Variants in PRR5 observed in about 807,000 individuals in gnomAD.
The protein encoded by PRR5 is proline-rich protein 5.
Under a neutral mutation model 30.6 loss-of-function variants are expected in PRR5, and 25 were observed. That is an observed-to-expected ratio of 0.82 (90% CI 0.60 to 1.14). PRR5 has a LOEUF of 1.14. Ranked by LOEUF, PRR5 falls within the 50% of genes most tolerant of loss-of-function variation. The probability of loss-of-function intolerance (pLI) is 0.00; values close to 1 mark genes in which losing one functional copy is unlikely to be tolerated. For synonymous variants in PRR5, 286 were observed against 247.1 expected, an observed-to-expected ratio of 1.16 and a Z score of -1.48; for missense variants, 600 against 547.1, an observed-to-expected ratio of 1.10 and a Z score of -0.96.
At chr22:44,680,955 A>C (rs1489922018) in intron 1 of PRR5, among the ~76,000 whole-genome samples, 3 of 152,196 alleles carry the variant, frequency 2.0e-5, no homozygotes, top group Non-Finnish European at 4.4e-5. Flanking sequence ...CTCCACATTC[A>C]TGCATCCATC....
chr22:44,693,869 T>TA (rs1925515841), intron 1 of PRR5, among the ~76,000 whole-genome samples: 1 of 147,968 alleles, frequency 6.8e-6, no homozygotes, highest in South Asian at 2.2e-4. Flanking sequence ...GTCTCGATGA[T>TA]ACGCCCACCT....
intron 1 of PRR5, among the ~76,000 whole-genome samples, chr22:44,704,716 A>AC (rs1055745205): frequency 8.6e-5 from 12 of 139,400 alleles, no homozygotes; most frequent in African/African-American, 2.4e-4. Flanking sequence ...TATTACCAGC[A>AC]CCCCCCACCG....
intron 1 of PRR5, among the ~76,000 whole-genome samples, chr22:44,704,166 G>A (rs1239091056): frequency 6.6e-6 from 1 of 152,190 alleles, no homozygotes; most frequent in Non-Finnish European, 1.5e-5. Context: ...TAAGTCCTCT[G>A]TACCTCACAG....
chr22:44,715,788 G>A (rs142072037), intron 2 of PRR5, among the ~76,000 whole-genome samples: 2,157 of 152,172 alleles, frequency 0.014, 29 homozygotes, highest in Non-Finnish European at 0.021. Context: ...GAGTGGCTGG[G>A]ACTACAGGTA....
upstream of PRR5, among the ~76,000 whole-genome samples, chr22:44,698,802 C>A (rs1925996777): frequency 6.6e-6 from 1 of 152,240 alleles, no homozygotes; most frequent in South Asian, 2.1e-4. Context: ...TCCTCCGACG[C>A]TGCAGGCCAC....
chr22:44,725,940 C>T (rs185309177), intron 3 of PRR5, among the ~76,000 whole-genome samples: 389 of 152,346 alleles, frequency 2.6e-3, no homozygotes, highest in Middle Eastern at 0.01. Flanking sequence ...GCTGGGATTA[C>T]AGGCGTGAGC....
intron 2 of PRR5, among the ~76,000 whole-genome samples, chr22:44,715,503 G>A (rs1347326187): frequency 6.6e-6 from 1 of 152,206 alleles, no homozygotes; most frequent in African/African-American, 2.4e-5. Context: ...GGTAAACTGA[G>A]GCCCAATACA....
In PRR5 at chr22:44,729,648, C is replaced by T. The variant is rs954636114; in HGVS notation, c.323-2082C>T. On this transcript the variant is annotated intron_variant, in intron 4 of 7. Coordinates refer to ENST00000336985, the MANE Select transcript of PRR5 (RefSeq NM_181333.4). ...CGCCCCATACCTGCCTCCGACTAAC[C>T]CTACTGCCCCACAGAGGGGCCCCCA... 1.8e-5 allele frequency: 18 copies of T among 985,342 alleles called. No individual in the cohort carries two copies. The African/African-American group carries it at 2.8e-4, about 15-fold the overall frequency. 61.0% of individuals were successfully genotyped at this position (985,342 alleles called of 1,614,324 possible).
chr22:44,737,293 C>A lies in PRR5; in HGVS notation c.*46C>A, dbSNP rs953302302. 8 of 1,551,068 alleles carry A rather than the reference C, an allele frequency of 5.2e-6. No homozygotes were observed. The highest frequency in any genetic ancestry group is 7.0e-6 in the Non-Finnish European group (8 of 1,145,518). On this transcript the variant is annotated 3_prime_UTR_variant, in exon 8 of 8. Transcript: ENST00000336985. ...GTTTTTACTGACACGTCCCTGTGTGCGGGGGTGTCCATGTGGCGTGTGTGT... is the reference window on the plus strand; with the variant it reads ...GTTTTTACTGACACGTCCCTGTGTGAGGGGGTGTCCATGTGGCGTGTGTGT...
chr22:44,731,528 A>C (rs144927809), intron 4 of PRR5: 1 of 596,796 alleles, frequency 1.7e-6, no homozygotes, highest in Non-Finnish European at 3.0e-6. Flanking sequence ...CACATTTTAT[A>C]AATGGAAGAC....
intron 1 of PRR5, 82 bp downstream of exon 1, chr22:44,702,690 C>A: frequency 8.1e-7 from 1 of 1,229,698 alleles, no homozygotes; most frequent in Middle Eastern, 3.2e-4. Flanking sequence ...CTAGGGGCCG[C>A]CCCGAGCCAG....
At chr22:44,689,829 A>C (rs1298161626) in intron 1 of PRR5, among the ~76,000 whole-genome samples, 4 of 152,094 alleles carry the variant, frequency 2.6e-5, no homozygotes, top group African/African-American at 9.7e-5. Context: ...TTGTATTTTT[A>C]GTAGAGATGG....
upstream of PRR5, among the ~76,000 whole-genome samples, chr22:44,700,434 C>T (rs1362535065): frequency 6.6e-6 from 1 of 152,112 alleles, no homozygotes; most frequent in Admixed American, 6.6e-5. Context: ...CCATTGCACT[C>T]CACAGGCGAC....
chr22:44,735,689 C>T (rs1457573602), intron 7 of PRR5, among the ~76,000 whole-genome samples: 2 of 152,160 alleles, frequency 1.3e-5, no homozygotes, highest in Non-Finnish European at 2.9e-5. Context: ...GAGCCCACGC[C>T]CTTCCCCTCC....
intron 1 of PRR5, among the ~76,000 whole-genome samples, chr22:44,681,134 T>C (rs1005641641): frequency 6.6e-6 from 1 of 152,200 alleles, no homozygotes; most frequent in Non-Finnish European, 1.5e-5. Flanking sequence ...TCTCCTGGCC[T>C]CTGTGTGAGG....
At chr22:44,730,505 G>A (rs1401029784) in intron 4 of PRR5, 38 of 988,870 alleles carry the variant, frequency 3.8e-5, no homozygotes, top group Admixed American at 1.2e-4. Context: ...AGCTGTCCCC[G>A]TCCCACAAGG....
At chr22:44,734,727 C>T (rs1015411276) in intron 6 of PRR5, 9 of 438,494 alleles carry the variant, frequency 2.1e-5, no homozygotes, top group African/African-American at 1.8e-4. Flanking sequence ...AGTACAGGGC[C>T]CCTCCGAGGG....
intron 4 of PRR5, chr22:44,730,779 C>T: frequency 1.5e-6 from 1 of 680,034 alleles, no homozygotes; most frequent in South Asian, 2.7e-5. Flanking sequence ...GATCCCCAGA[C>T]CTGACCACAG....
At chr22:44,727,381 G>C (rs1195972449) in intron 4 of PRR5, among the ~76,000 whole-genome samples, 4 of 152,200 alleles carry the variant, frequency 2.6e-5, no homozygotes, top group Non-Finnish European at 1.5e-5. Context: ...ATGCTGCTTT[G>C]CTCGGGCTGT....
Sources: gnomAD v4.1 joint callset for allele counts (sites outside exome capture counted in the v4.1 genomes callset) on GRCh38, gnomAD v4.1.1 for gene constraint, MANE v1.5 for transcripts, NCBI Gene and HGNC (gene_info 2026-07-23, HGNC 2026-07-21) for gene names.